OR2M2: variants seen among roughly 807,000 people sequenced by gnomAD.
OR2M2 encodes the protein olfactory receptor family 2 subfamily M member 2.
For missense variants in OR2M2, 467 were observed against 429.9 expected, an observed-to-expected ratio of 1.09 and a Z score of -0.76; for synonymous variants, 168 against 151.7, an observed-to-expected ratio of 1.11 and a Z score of -0.79.
In OR2M2 at chr1:248,179,999, A is replaced by G; in HGVS notation, c.14A>G (p.Asn5Ser). The G allele has an allele frequency of 6.2e-7, 1 of 1,612,480 alleles. No individual in the cohort carries two copies. The highest frequency in any genetic ancestry group is 8.5e-7 in the Non-Finnish European group (1 of 1,179,088). Residue 5 changes from asparagine to serine, a missense_variant, in exon 2 of 2, where the codon AAT becomes AGT. Asn to Ser is a conservative substitution (Grantham distance 46). Transcript: ENST00000641836. MAWE[N>S]QTFNSDFILL... Reference sequence around the variant, plus strand: ...AGCACATTCATCATGGCATGGGAGAATCAGACCTTCAACTCCGACTTCATC... The same window carrying G: ...AGCACATTCATCATGGCATGGGAGAGTCAGACCTTCAACTCCGACTTCATC...
At position 248,179,958 on chromosome 1, in the gene OR2M2, G is replaced by A; in HGVS notation, c.-18-10G>A. 6.3e-7 allele frequency: 1 copy of A among 1,578,196 alleles called. No homozygotes were observed. The highest frequency in any genetic ancestry group is 8.6e-7 in the Non-Finnish European group (1 of 1,162,372). Reference sequence around the variant, plus strand: ...TTTACCAAATTAATAAGATGGTTTTGTGGTACTAGGTAAAAAGCACATTCA... The same window carrying A: ...TTTACCAAATTAATAAGATGGTTTTATGGTACTAGGTAAAAAGCACATTCA... On this transcript the variant is annotated splice_polypyrimidine_tract_variant and intron_variant, in intron 1 of 1. Coordinates refer to ENST00000641836, the MANE Select transcript of OR2M2 (RefSeq NM_001004688.2).
chr1:248,179,812 A>G lies in OR2M2; in HGVS notation c.-18-156A>G, dbSNP rs563619314. 5.3e-5 allele frequency among the ~76,000 whole-genome samples: 8 copies of G among 152,322 alleles called. No homozygotes were observed. The South Asian group carries it at 8.3e-4, about 16-fold the overall frequency. ...ATAAGTGATGCTGTATTGAAAGAAC[A>G]TATTTCGTTCAGATTCTATACTTCT... On this transcript the variant is annotated intron_variant, in intron 1 of 1. Coordinates refer to ENST00000641836, the MANE Select transcript of OR2M2 (RefSeq NM_001004688.2).
At position 248,180,996 on chromosome 1, in the gene OR2M2, C is replaced by A; in HGVS notation, c.1011C>A (p.Val337=). The A allele has an allele frequency of 6.2e-7, 1 of 1,611,070 alleles. No individual in the cohort carries two copies. The highest frequency in any genetic ancestry group is 8.5e-7 in the Non-Finnish European group (1 of 1,177,662). The part of the protein sequence containing the change: ...FFLISIFFYD[V]KILALIMYIA ...TAATATCCATCTTTTTCTATGATGT[C>A]AAAATACTAGCATTGATTATGTACA... is the stretch of plus-strand genomic sequence containing the variant. The change falls in exon 2 of 2, where the codon GTC becomes GTA. Residue 337 remains valine, a synonymous_variant. Transcript: ENST00000641836.
rs189888749 is a variant in OR2M2 at position 248,177,632 on chromosome 1, A to C, written c.-18-2336A>C. On this transcript the variant is annotated intron_variant, in intron 1 of 1. Transcript: ENST00000641836. ...CTTGAAGCAAATTCAGCTCATAAGCACTGGAAATTATTGAGGCAATACAAA... is the reference window on the plus strand; with the variant it reads ...CTTGAAGCAAATTCAGCTCATAAGCCCTGGAAATTATTGAGGCAATACAAA... 1.3e-3 allele frequency among the ~76,000 whole-genome samples: 201 copies of C among 152,250 alleles called. 1 individual carries two copies. Among genetic ancestry groups the C allele is most frequent in the African/African-American group, 4.6e-3 (193 of 41,560 alleles).
At position 248,180,505 on chromosome 1, in the gene OR2M2, A is replaced by G. The variant is rs147978806; in HGVS notation, c.520A>G (p.Ile174Val). The change falls in exon 2 of 2, where the codon ATA (isoleucine) becomes GTA (valine). Residue 174 changes from isoleucine to valine, a missense_variant. By Grantham distance (29) the Ile-to-Val change is conservative. Coordinates refer to ENST00000641836, the MANE Select transcript of OR2M2 (RefSeq NM_001004688.2). ...CTTCTCCTTTTGTGGGTCTCGGGAAATAGCCCACTTCTTCTGTGAATTCCC... is the reference window on the plus strand; with the variant it reads ...CTTCTCCTTTTGTGGGTCTCGGGAAGTAGCCCACTTCTTCTGTGAATTCCC... ...FSFSFCGSRE[I>V]AHFFCEFPSL... 1.9e-6 allele frequency: 3 copies of G among 1,613,766 alleles called. No individual in the cohort carries two copies. The highest frequency in any genetic ancestry group is 2.7e-5 in the African/African-American group (2 of 74,868).
chr1:248,175,007 T>C (rs1665843575), intron 1 of OR2M2, 136 bp downstream of exon 1: 1 of 152,184 alleles, frequency 6.6e-6, no homozygotes, highest in South Asian at 2.1e-4. Context: ...ACTTTATCTG[T>C]ACAATATTAC....
At position 248,180,856 on chromosome 1, in the gene OR2M2, A is replaced by G; in HGVS notation, c.871A>G (p.Ser291Gly). ...LTPMLNPLIY[S>G]LRNKEVTRAF... ...TCCCATGCTGAATCCCCTCATCTAC[A>G]GCCTCCGCAACAAGGAGGTGACTAG... The change falls in exon 2 of 2, where the codon AGC (serine) becomes GGC (glycine). Residue 291 changes from serine (S) to glycine (G), a missense_variant. Coordinates refer to ENST00000641836, the MANE Select transcript of OR2M2 (RefSeq NM_001004688.2). 6.2e-7 allele frequency: 1 copy of G among 1,614,062 alleles called. No homozygotes were observed. The highest frequency in any genetic ancestry group is 8.5e-7 in the Non-Finnish European group (1 of 1,179,978).
At position 248,180,461 on chromosome 1, in the gene OR2M2, A is replaced by T; in HGVS notation, c.476A>T (p.Asp159Val). The T allele has an allele frequency of 6.2e-7, 1 of 1,613,930 alleles. No individual in the cohort carries two copies. Among genetic ancestry groups the T allele is most frequent in the Non-Finnish European group, 8.5e-7 (1 of 1,179,906 alleles). The stretch of plus-strand genomic sequence containing the variant: ...CTGGGCTCTACAGATGGAATCATTG[A>T]TGCTGTAGCCACATTTTCCTTCTCC... ...WILGSTDGII[D>V]AVATFSFSFC... Residue 159 changes from aspartate to valine, a missense_variant, in exon 2 of 2, where the codon GAT (aspartate) becomes GTT (valine). Asp to Val is a radical substitution (Grantham distance 152). Transcript: ENST00000641836.
chr1:248,176,418 CAG>C (rs1665857220), intron 1 of OR2M2, among the ~76,000 whole-genome samples: 1 of 151,868 alleles, frequency 6.6e-6, no homozygotes. Context: ...ACAAAAGAAA[CAG>C]TGTGAATTCA....
Position 248,180,537 on chromosome 1 carries a change from A to G in OR2M2, c.552A>G (p.Leu184=), listed in dbSNP as rs1665918358. ...IAHFFCEFPS[L]LILSCNDTSI... ...ACTTCTTCTGTGAATTCCCTTCCCT[A>G]CTAATCCTCTCATGCAATGACACAT... is the stretch of plus-strand genomic sequence containing the variant. The change falls in exon 2 of 2, where the codon CTA becomes CTG. Residue 184 remains leucine (L), a synonymous_variant. Transcript: ENST00000641836. The G allele has an allele frequency of 8.7e-6, 14 of 1,613,564 alleles. No homozygotes were observed. The highest frequency in any genetic ancestry group is 1.2e-5 in the Non-Finnish European group (14 of 1,179,800).
intron 1 of OR2M2, chr1:248,177,929 C>A (rs1160170017): frequency 6.6e-6 from 1 of 152,090 alleles, no homozygotes; most frequent in African/African-American, 2.4e-5. Context: ...GATTGCTATT[C>A]TATCTCATGA....
In OR2M2 at chr1:248,180,724, G is replaced by A; in HGVS notation, c.739G>A (p.Val247Met). 1 of 1,613,472 alleles carries A rather than the reference G, an allele frequency of 6.2e-7. No homozygotes were observed. The highest frequency in any genetic ancestry group is 2.2e-5 in the East Asian group (1 of 44,888). The change falls in exon 2 of 2, where the codon GTG (valine) becomes ATG (methionine). Residue 247 changes from valine to methionine, a missense_variant. Val to Met is a conservative substitution (Grantham distance 21, BLOSUM62 1). Transcript: ENST00000641836. ...CACGACCTGTTCCTCTCACCTCATG[G>A]TGGTGGGAATGTACTATGGAGCAGC... ...AFTTCSSHLM[V>M]VGMYYGAALF...
intron 1 of OR2M2, among the ~76,000 whole-genome samples, chr1:248,175,572 T>G (rs561589387): frequency 7.9e-5 from 12 of 152,228 alleles, no homozygotes; most frequent in African/African-American, 2.9e-4. Flanking sequence ...TCCCAAGCAT[T>G]TCGGATAAGG....
In OR2M2 at chr1:248,180,361, A is replaced by G; in HGVS notation, c.376A>G (p.Ile126Val). The change falls in exon 2 of 2, where the codon ATT (isoleucine) becomes GTT (valine). Residue 126 changes from isoleucine to valine, a missense_variant. Physicochemically the swap from Ile to Val is conservative, Grantham distance 29. Coordinates refer to ENST00000641836, the MANE Select transcript of OR2M2 (RefSeq NM_001004688.2). ...TATGGCTTATGACCGCTATATTGCT[A>G]TTTGCCACCCTCTAAGATATACCAA... ...AVMAYDRYIA[I>V]CHPLRYTNLM... 1.2e-6 allele frequency: 2 copies of G among 1,613,994 alleles called. No individual in the cohort carries two copies. Among genetic ancestry groups the G allele is most frequent in the South Asian group, 1.1e-5 (1 of 91,068 alleles).
Position 248,180,156 on chromosome 1 carries a change from C to T in OR2M2, c.171C>T (p.Thr57=). ...TCTACCTGGACACCCAGCTCCACAC[C>T]CCCATGTACTTCCTCCTCAGCCAAC... The part of the protein sequence containing the change: ...LLIYLDTQLH[T]PMYFLLSQLS... The change falls in exon 2 of 2, where the codon ACC becomes ACT. Residue 57 remains threonine (T), a synonymous_variant. Transcript: ENST00000641836. 6.2e-7 allele frequency: 1 copy of T among 1,614,070 alleles called. No homozygotes were observed. Among genetic ancestry groups the T allele is most frequent in the South Asian group, 1.1e-5 (1 of 91,072 alleles).
intron 1 of OR2M2, among the ~76,000 whole-genome samples, chr1:248,175,085 A>T (rs550718046): frequency 2.3e-4 from 35 of 152,204 alleles, no homozygotes; most frequent in Non-Finnish European, 4.7e-4. Flanking sequence ...AATGTGAAAG[A>T]TTGGATAAAA....
At position 248,180,732 on chromosome 1, in the gene OR2M2, A is replaced by G. The variant is rs1163419609; in HGVS notation, c.747A>G (p.Gly249=). The change falls in exon 2 of 2, where the codon GGA becomes GGG. Residue 249 remains glycine, a synonymous_variant. Coordinates refer to ENST00000641836, the MANE Select transcript of OR2M2 (RefSeq NM_001004688.2). ...GTTCCTCTCACCTCATGGTGGTGGG[A>G]ATGTACTATGGAGCAGCTTTGTTCA... ...TTCSSHLMVV[G]MYYGAALFMY... 1.2e-6 allele frequency: 2 copies of G among 1,613,530 alleles called. No individual in the cohort carries two copies. Among genetic ancestry groups the G allele is most frequent in the Non-Finnish European group, 1.7e-6 (2 of 1,179,842 alleles).
Position 248,180,972 on chromosome 1 carries a change from A to G in OR2M2, c.987A>G (p.Leu329=), listed in dbSNP as rs780776775. 3.1e-6 allele frequency: 5 copies of G among 1,613,582 alleles called. No homozygotes were observed. In the Admixed American group the frequency reaches 5.0e-5, roughly 16 times the overall value. Residue 329 remains leucine (L), a synonymous_variant, in exon 2 of 2, where the codon CTA becomes CTG. Coordinates refer to ENST00000641836, the MANE Select transcript of OR2M2 (RefSeq NM_001004688.2). ...YVLLFAKFFF[L]ISIFFYDVKI... ...TGCTGTTTGCTAAATTCTTCTTTCT[A>G]ATATCCATCTTTTTCTATGATGTCA...
At position 248,180,702 on chromosome 1, in the gene OR2M2, G is replaced by A. The variant is rs375862698; in HGVS notation, c.717G>A (p.Thr239=). The stretch of plus-strand genomic sequence containing the variant: ...GAGAGGGTCGTTGCAAAGCTTTCAC[G>A]ACCTGTTCCTCTCACCTCATGGTGG... The part of the protein sequence containing the change: ...GSGEGRCKAF[T]TCSSHLMVVG... Residue 239 remains threonine (T), a synonymous_variant, in exon 2 of 2, where the codon ACG becomes ACA. Transcript: ENST00000641836. 9.3e-6 allele frequency: 15 copies of A among 1,612,748 alleles called. No individual in the cohort carries two copies. In the Admixed American group the frequency reaches 1.7e-4, roughly 18 times the overall value.
Sources: allele counts gnomAD v4.1 joint callset (sites outside exome capture counted in the v4.1 genomes callset), GRCh38; gene constraint gnomAD v4.1.1; transcripts MANE v1.5; gene names NCBI Gene and HGNC (gene_info 2026-07-23, HGNC 2026-07-21).